Variants in LAMA2 observed in about 807,000 individuals in gnomAD.
LAMA2 encodes laminin subunit alpha 2.
In LAMA2, 269 loss-of-function variants were observed where a neutral mutation model predicts 364.8. The observed-to-expected ratio is 0.74, with a 90% CI of 0.67 to 0.82. The LOEUF is 0.82. Ranked by LOEUF, LAMA2 falls within the 40% of genes least tolerant of loss-of-function variation. The pLI is 0.00. For synonymous variants in LAMA2, 1,379 were observed against 1,370.6 expected, an observed-to-expected ratio of 1.01 and a Z score of -0.14; for missense variants, 3,807 against 3,873.2, an observed-to-expected ratio of 0.98 and a Z score of 0.45.
At chr6:129,109,458 A>G (rs1339786555) in intron 4 of LAMA2, among the ~76,000 whole-genome samples, 1 of 152,068 alleles carries the variant, frequency 6.6e-6, no homozygotes, top group East Asian at 1.9e-4. Context: ...CATTATAATA[A>G]TGTCACTACA....
chr6:129,062,177 C>A (rs753940933), intron 3 of LAMA2, among the ~76,000 whole-genome samples: 7 of 152,152 alleles, frequency 4.6e-5, no homozygotes, highest in Non-Finnish European at 8.8e-5. Flanking sequence ...TTGTACTGCA[C>A]TGGCAACAGA....
intron 37 of LAMA2, among the ~76,000 whole-genome samples, chr6:129,393,753 C>CA (rs1356765664): frequency 3.9e-5 from 6 of 151,970 alleles, no homozygotes; most frequent in Non-Finnish European, 8.8e-5. Flanking sequence ...ATCTTGCTGC[C>CA]AAAAATCATA....
At chr6:129,206,113 G>T (rs1328713057) in intron 12 of LAMA2, among the ~76,000 whole-genome samples, 1 of 72,838 alleles carries the variant, frequency 1.4e-5, no homozygotes. Context: ...AGGGAGGAAG[G>T]AAGGAAGGAA....
intron 29 of LAMA2, among the ~76,000 whole-genome samples, chr6:129,337,992 CA>C (rs1387754285): frequency 6.6e-6 from 1 of 152,062 alleles, no homozygotes; most frequent in Non-Finnish European, 1.5e-5. Flanking sequence ...TGGACCTAAC[CA>C]GGACATTTGA....
At chr6:129,126,942 C>A (rs1044209167) in intron 4 of LAMA2, among the ~76,000 whole-genome samples, 1 of 152,070 alleles carries the variant, frequency 6.6e-6, no homozygotes, top group Non-Finnish European at 1.5e-5. Flanking sequence ...TGGTGTGCAC[C>A]TGTAGTCCCA....
chr6:129,366,960 T>A (rs1777812877), intron 33 of LAMA2, among the ~76,000 whole-genome samples: 1 of 152,214 alleles, frequency 6.6e-6, no homozygotes, highest in Admixed American at 6.5e-5. Context: ...CAGGCAAATG[T>A]AGGCACTGAG....
intron 41 of LAMA2, among the ~76,000 whole-genome samples, chr6:129,434,931 A>G (rs1343715110): frequency 6.6e-6 from 1 of 152,140 alleles, no homozygotes; most frequent in East Asian, 1.9e-4. Flanking sequence ...TAAGGATCAG[A>G]GTCAAGCAGC....
chr6:128,990,990 T>G (rs1267082825), intron 1 of LAMA2, among the ~76,000 whole-genome samples: 2 of 152,190 alleles, frequency 1.3e-5, no homozygotes, highest in African/African-American at 2.4e-5. Context: ...GAAATTCCAC[T>G]GTTGTTTCTT....
intron 33 of LAMA2, 69 bp downstream of exon 33, chr6:129,366,430 G>A (rs1035084197): frequency 2.6e-6 from 4 of 1,547,032 alleles, no homozygotes; most frequent in Non-Finnish European, 3.5e-6. Flanking sequence ...GGTATTGGCT[G>A]TAATTGGTAA....
intron 3 of LAMA2, among the ~76,000 whole-genome samples, chr6:129,072,121 T>G (rs945726179): frequency 2.0e-5 from 3 of 152,122 alleles, no homozygotes; most frequent in Admixed American, 1.3e-4. Context: ...CACTCCAGCC[T>G]GGGTGACAGA....
At chr6:129,221,402 CA>C (rs57184336) in intron 12 of LAMA2, among the ~76,000 whole-genome samples, 18,391 of 116,228 alleles carry the variant, frequency 0.16, 2,895 homozygotes, top group African/African-American at 0.42. Flanking sequence ...CCTGATAGAC[CA>C]AAAAAAAAAA....
At chr6:129,279,553 T>C (rs1788566256) in intron 17 of LAMA2, among the ~76,000 whole-genome samples, 1 of 152,146 alleles carries the variant, frequency 6.6e-6, no homozygotes, top group Admixed American at 6.6e-5. Flanking sequence ...TGTGAGGGCA[T>C]ACCTGCAAGG....
At chr6:129,464,498 T>C in intron 50 of LAMA2, 46 bp downstream of exon 50, 1 of 1,478,276 alleles carries the variant, frequency 6.8e-7, no homozygotes, top group Non-Finnish European at 9.5e-7. Flanking sequence ...AAAATGCGTT[T>C]GCTTCTTTTA....
At chr6:129,374,000 G>T (rs2114635719) in intron 34 of LAMA2, among the ~76,000 whole-genome samples, 1 of 152,252 alleles carries the variant, frequency 6.6e-6, no homozygotes, top group South Asian at 2.1e-4. Flanking sequence ...AAAAGGCGCA[G>T]AAATAGGACT....
At position 129,454,279 on chromosome 6, in the gene LAMA2, T is replaced by C. The variant is rs770516704; in HGVS notation, c.6698T>C (p.Val2233Ala). The change falls in exon 47 of 65, where the codon GTA becomes GCA. Residue 2233 changes from valine to alanine, a missense_variant. Physicochemically the swap from Val to Ala is moderately conservative, Grantham distance 64. Transcript: ENST00000421865. ...GATGACTCATATTGGTACCGTATCG[T>C]AGCATCAAGGTAACCAACTTAATAA... The part of the protein sequence containing the change: ...TIDDSYWYRI[V>A]ASRTGRNGTI... 24 of 1,611,172 alleles carry C rather than the reference T, an allele frequency of 1.5e-5. No homozygotes were observed. Among genetic ancestry groups the C allele is most frequent in the Non-Finnish European group, 2.0e-5 (23 of 1,177,768 alleles).
At position 129,300,782 on chromosome 6, in the gene LAMA2, G is replaced by T. The variant is rs1322817146; in HGVS notation, c.3084G>T (p.Gly1028=). 1.9e-6 allele frequency: 3 copies of T among 1,613,706 alleles called. No individual in the cohort carries two copies. The South Asian group carries it at 3.3e-5, about 18-fold the overall frequency. Reference sequence around the variant, plus strand: ...GTAATAATTGTGACCCAAAGACTGGGCGATGCATTTGCCCTCCCAATACCA... The same window carrying T: ...GTAATAATTGTGACCCAAAGACTGGTCGATGCATTTGCCCTCCCAATACCA... The part of the protein sequence containing the change: ...HLGNNCDPKT[G]RCICPPNTIG... Residue 1028 remains glycine, a synonymous_variant, in exon 22 of 65, where the codon GGG becomes GGT. Coordinates refer to ENST00000421865, the MANE Select transcript of LAMA2 (RefSeq NM_000426.4).
chr6:129,299,765 G>A (rs1469455143), intron 21 of LAMA2, among the ~76,000 whole-genome samples: 1 of 152,114 alleles, frequency 6.6e-6, no homozygotes, highest in African/African-American at 2.4e-5. Context: ...ACCTTCCACA[G>A]CTGGTGTGTA....
chr6:129,052,399 C>T (rs147634568), intron 2 of LAMA2, among the ~76,000 whole-genome samples: 2,136 of 151,686 alleles, frequency 0.014, 46 homozygotes, highest in African/African-American at 0.049. Context: ...ATGCCCGCCT[C>T]GGCCTCCCAA....
rs749614184 is a variant in LAMA2 at position 129,205,478 on chromosome 6, G to GTATATATATATATATATATATATATA, written c.1782+12641_1782+12642insTATATATATATATATATATATATATA. Among the ~76,000 whole-genome samples, 81 of 116,300 alleles carry GTATATATATATATATATATATATATA rather than the reference G, an allele frequency of 7.0e-4. 2 individuals carry two copies. Among genetic ancestry groups the GTATATATATATATATATATATATATA allele is most frequent in the African/African-American group, 2.3e-3 (50 of 22,048 alleles). 76.3% of individuals were successfully genotyped at this position (116,300 alleles called of 152,430 possible). A position where few individuals can be genotyped will look rare whatever the true frequency, so the allele number is the denominator to read the frequency against. ...TCTCTTCTGGGAATTTATTCTGTAA[G>GTATATATATATATATATATATATATA]TATATATATATATATACACACACAC... is the stretch of plus-strand genomic sequence containing the variant. On this transcript the variant is annotated intron_variant, in intron 12 of 64. Transcript: ENST00000421865.
Sources: gnomAD v4.1 joint callset for allele counts (sites outside exome capture counted in the v4.1 genomes callset) on GRCh38, gnomAD v4.1.1 for gene constraint, MANE v1.5 for transcripts, NCBI Gene and HGNC (gene_info 2026-07-23, HGNC 2026-07-21) for gene names.